Variants in TRANK1 observed in about 807,000 individuals in gnomAD.
The protein encoded by TRANK1 is TPR and ankyrin repeat-containing protein 1.
In TRANK1, 198 loss-of-function variants were observed where a neutral mutation model predicts 266.0. The ratio of observed to expected loss-of-function variants is 0.74; its 90% CI spans 0.66 to 0.84. The LOEUF (loss-of-function observed/expected upper bound fraction) is 0.84. Ranked by LOEUF, TRANK1 falls within the 40% of genes least tolerant of loss-of-function variation. The pLI is 0.00. For synonymous variants in TRANK1, 1,396 were observed against 1,384.1 expected (o/e 1.01, Z -0.19); for missense variants, 3,326 against 3,634.6 (o/e 0.92, Z 2.18).
At position 36,880,127 on chromosome 3, in the gene TRANK1, C is replaced by CAT. The variant is rs1161669245; in HGVS notation, c.908-5833_908-5832dup. On this transcript the variant is annotated intron_variant, in intron 8 of 23. Coordinates refer to ENST00000645898, the MANE Select transcript of TRANK1 (RefSeq NM_001329998.2). ...ATAAACATATATAAATATATATAAACATATAAATATATATAAACATAAATA... is the reference window on the plus strand; with the variant it reads ...ATAAACATATATAAATATATATAAACATATATAAATATATATAAACATAAATA... 70 of 132,238 alleles carry CAT rather than the reference C, an allele frequency of 5.3e-4. 11 individuals carry two copies. The highest frequency in any genetic ancestry group is 1.0e-3 in the Non-Finnish European group (62 of 60,608). 8.2% of individuals were successfully genotyped at this position (132,238 alleles called of 1,614,324 possible). A position where few individuals can be genotyped will look rare whatever the true frequency, so the allele number is the denominator to read the frequency against.
intron 21 of TRANK1, 136 bp downstream of exon 21, chr3:36,834,626 G>A (rs372844855): frequency 3.2e-6 from 3 of 951,196 alleles, no homozygotes; most frequent in African/African-American, 3.3e-5. Context: ...CAGCACTGAG[G>A]CCATCGCTTA....
At chr3:36,935,352 C>G (rs1156363389) in intron 1 of TRANK1, among the ~76,000 whole-genome samples, 3 of 152,134 alleles carry the variant, frequency 2.0e-5, no homozygotes, top group South Asian at 4.1e-4. Flanking sequence ...TATTTCCCAC[C>G]CTGCCTCTAT....
intron 2 of TRANK1, among the ~76,000 whole-genome samples, chr3:36,903,728 T>C (rs1361809011): frequency 6.6e-6 from 1 of 152,236 alleles, no homozygotes; most frequent in Non-Finnish European, 1.5e-5. Context: ...CACAGACTCC[T>C]GCCTGTGAGG....
rs1449142791 is a variant in TRANK1, at chr3:36,855,193, T to C, written c.4529A>G (p.Gln1510Arg). 2 of 1,612,060 alleles carry C rather than the reference T, an allele frequency of 1.2e-6. No homozygotes were observed. Among genetic ancestry groups the C allele is most frequent in the Admixed American group, 1.7e-5 (1 of 59,968 alleles). Residue 1510 changes from glutamine to arginine, a missense_variant, in exon 13 of 24, where the codon CAG becomes CGG. Transcript: ENST00000645898. ...RKPKKIHQLY[Q>R]NYRSHSGILN... ...CTTACCTGAGTGGGACCTGTAATTC[T>C]GGTACAGCTGGTGGATCTTCTTGGG...
chr3:36,828,060 G>T lies in TRANK1; in HGVS notation c.*215C>A. 7.7e-6 allele frequency: 4 copies of T among 516,682 alleles called. No individual in the cohort carries two copies. The highest frequency in any genetic ancestry group is 1.4e-5 in the Non-Finnish European group (4 of 287,100). 32.0% of individuals were successfully genotyped at this position (516,682 alleles called of 1,614,324 possible). On this transcript the variant is annotated 3_prime_UTR_variant, in exon 24 of 24. Transcript: ENST00000645898. ...TTTGTTTGTGGGGGAAACTAATACTGCCAGACTCTACTTGGAAACACTTTA... is the reference window on the plus strand; with the variant it reads ...TTTGTTTGTGGGGGAAACTAATACTTCCAGACTCTACTTGGAAACACTTTA...
intron 17 of TRANK1, among the ~76,000 whole-genome samples, chr3:36,843,866 G>A (rs1299035638): frequency 6.6e-6 from 1 of 152,132 alleles, no homozygotes; most frequent in Non-Finnish European, 1.5e-5. Flanking sequence ...GCAGTACAGT[G>A]ATGACTTAGC....
In TRANK1 at chr3:36,856,996, G is replaced by A. The variant is rs761636556; in HGVS notation, c.2726C>T (p.Pro909Leu). The A allele has an allele frequency of 4.3e-5, 69 of 1,613,766 alleles. No individual in the cohort carries two copies. The highest frequency in any genetic ancestry group is 1.6e-4 in the Middle Eastern group (1 of 6,084). ...MLWELAIDFS[P>L]RCSENPEKII... ...CTTCTCAGGGTTCTCACTGCATCGA[G>A]GGGAGAAGTCAATGGCGAGCTCCCA... The change falls in exon 13 of 24, where the codon CCT becomes CTT. Residue 909 changes from proline (P) to leucine (L), a missense_variant. By Grantham distance (98) the Pro-to-Leu change is moderately conservative. Transcript: ENST00000645898.
chr3:36,874,826 A>G (rs896913151), intron 8 of TRANK1, among the ~76,000 whole-genome samples: 3 of 152,014 alleles, frequency 2.0e-5, no homozygotes, highest in African/African-American at 4.8e-5. Context: ...CCAAGCATCA[A>G]CGTATGTCTG....
At chr3:36,838,837 T>C (rs1426024033) in intron 18 of TRANK1, 121 bp from the exon 19 acceptor site, 11 of 967,128 alleles carry the variant, frequency 1.1e-5, no homozygotes, top group South Asian at 4.8e-5. Flanking sequence ...CAGCCCAATC[T>C]GAGAAGGAGG....
At chr3:36,910,706 C>G (rs765637215) in intron 1 of TRANK1, among the ~76,000 whole-genome samples, 1 of 151,960 alleles carries the variant, frequency 6.6e-6, no homozygotes, top group Non-Finnish European at 1.5e-5. Context: ...CACCACTACA[C>G]TCCAGCCTGG....
chr3:36,862,114 T>A (rs1157019577), intron 10 of TRANK1, among the ~76,000 whole-genome samples: 1 of 152,168 alleles, frequency 6.6e-6, no homozygotes, highest in African/African-American at 2.4e-5. Flanking sequence ...ACAAATAAAT[T>A]TTTGTATAAG....
intron 9 of TRANK1, among the ~76,000 whole-genome samples, chr3:36,867,702 CTG>C (rs2079246329): frequency 1.3e-5 from 2 of 152,308 alleles, no homozygotes; most frequent in Non-Finnish European, 2.9e-5. Context: ...CAACAAAAGA[CTG>C]AATAAAAATG....
At chr3:36,882,103 A>G (rs1296562696) in intron 8 of TRANK1, among the ~76,000 whole-genome samples, 1 of 152,212 alleles carries the variant, frequency 6.6e-6, no homozygotes, top group African/African-American at 2.4e-5. Flanking sequence ...GTATATACCT[A>G]TGAGTGACAG....
At chr3:36,930,133 C>CA (rs2080341772) in intron 1 of TRANK1, among the ~76,000 whole-genome samples, 1 of 152,178 alleles carries the variant, frequency 6.6e-6, no homozygotes, top group African/African-American at 2.4e-5. Context: ...CTCTGCCTCC[C>CA]AAAGTGCTGG....
rs2078860420 is a variant in TRANK1, at chr3:36,842,512, G to C, written c.5280+110C>G. The C allele has an allele frequency of 7.7e-6, 7 of 908,322 alleles. No individual in the cohort carries two copies. The East Asian group carries it at 1.8e-4, about 24-fold the overall frequency. 56.3% of individuals were successfully genotyped at this position (908,322 alleles called of 1,614,324 possible). On this transcript the variant is annotated intron_variant, in intron 18 of 23. Transcript: ENST00000645898. ...TGATGTTTCAGAACACGTGGCACAA[G>C]CACCATTACGCTCATCCTTTCCTGG...
chr3:36,851,077 T>A, intron 15 of TRANK1: 1 of 985,418 alleles, frequency 1.0e-6, no homozygotes, highest in Non-Finnish European at 1.2e-6. Context: ...TGAACTAAGC[T>A]TGGGGAGAAA....
intron 8 of TRANK1, among the ~76,000 whole-genome samples, chr3:36,887,162 G>A (rs899997570): frequency 3.3e-5 from 5 of 152,084 alleles, no homozygotes; most frequent in African/African-American, 9.7e-5. Flanking sequence ...GTAGAGATAC[G>A]TAAAGAGGGC....
intron 15 of TRANK1, among the ~76,000 whole-genome samples, chr3:36,849,040 G>A (rs2125532189): frequency 6.6e-6 from 1 of 152,292 alleles, no homozygotes; most frequent in South Asian, 2.1e-4. Flanking sequence ...AAGGATACAG[G>A]CCTACAGCAC....
Position 36,858,733 on chromosome 3 carries a change from A to G in TRANK1, c.1657T>C (p.Phe553Leu), listed in dbSNP as rs1438113302. The G allele has an allele frequency of 6.5e-7, 1 of 1,528,880 alleles. No homozygotes were observed. Among genetic ancestry groups the G allele is most frequent in the East Asian group, 2.4e-5 (1 of 40,824 alleles). The allele number at this position is 1,528,880 out of a possible 1,614,324, so 94.7% of individuals were successfully genotyped here. Residue 553 changes from phenylalanine (F) to leucine (L), a missense_variant, in exon 12 of 24, where the codon TTT becomes CTT. Coordinates refer to ENST00000645898, the MANE Select transcript of TRANK1 (RefSeq NM_001329998.2). ...DTPLHAALHI[F>L]LEIKADIGFS... The stretch of plus-strand genomic sequence containing the variant: ...AAGGGCTTACCTTTAATCTCTAGAA[A>G]GATGTGGAGTGCTGCATGCAAAGGA...
Sources: gnomAD v4.1 joint callset for allele counts (sites outside exome capture counted in the v4.1 genomes callset) on GRCh38, gnomAD v4.1.1 for gene constraint, MANE v1.5 for transcripts, NCBI Gene and HGNC (gene_info 2026-07-23, HGNC 2026-07-21) for gene names.